ANKRD44: variants seen among roughly 807,000 people sequenced by gnomAD.
ANKRD44 encodes ankyrin repeat domain 44.
Under a neutral mutation model 116.0 loss-of-function variants are expected in ANKRD44, and 35 were observed. That is an observed-to-expected ratio of 0.30 (90% CI 0.23 to 0.40). The LOEUF (loss-of-function observed/expected upper bound fraction) is 0.40. Among genes scored for constraint, ANKRD44 ranks in the 10% least tolerant of loss-of-function variants. The probability of loss-of-function intolerance (pLI) is 1.00; values close to 1 mark genes in which losing one functional copy is unlikely to be tolerated. For synonymous variants in ANKRD44, 435 were observed against 461.8 expected (o/e 0.94, Z 0.74); for missense variants, 1,014 against 1,242.6 (o/e 0.82, Z 2.77).
chr2:197,212,285 G>A lies in ANKRD44; in HGVS notation c.28-25179C>T, dbSNP rs1559154074. ...TCTGGCCTCTGAAACTGGCTTTTAT[G>A]AGCCAGTAAGTGTGTGAGCTTAGAT... On this transcript the variant is annotated intron_variant, in intron 1 of 27. Transcript: ENST00000282272. This position sits in a 1 kb window ranked among gnomAD's most constrained non-coding sequence, Gnocchi z 4.8. Among the ~76,000 whole-genome samples the A allele has an allele frequency of 6.6e-6, 1 of 152,148 alleles. No individual in the cohort carries two copies. Among genetic ancestry groups the A allele is most frequent in the African/African-American group, 2.4e-5 (1 of 41,430 alleles).
intron 1 of ANKRD44, among the ~76,000 whole-genome samples, chr2:197,281,515 A>C (rs900943833): frequency 1.3e-5 from 2 of 152,186 alleles, no homozygotes; most frequent in Non-Finnish European, 2.9e-5. Context: ...TGTATAAGGC[A>C]TAAGTCCCTG....
chr2:197,180,803 C>A (rs1166235968), intron 2 of ANKRD44, among the ~76,000 whole-genome samples: 2 of 151,918 alleles, frequency 1.3e-5, no homozygotes, highest in Non-Finnish European at 2.9e-5. Context: ...TTGAGTGGAG[C>A]CATATTGAGT....
intron 17 of ANKRD44, among the ~76,000 whole-genome samples, chr2:197,016,574 T>G (rs1180245637): frequency 6.6e-6 from 1 of 152,218 alleles, no homozygotes; most frequent in African/African-American, 2.4e-5. Flanking sequence ...AGGGAATCTA[T>G]TCTCCCCATT....
At chr2:197,236,746 G>A (rs917411712) in intron 1 of ANKRD44, among the ~76,000 whole-genome samples, 5 of 151,716 alleles carry the variant, frequency 3.3e-5, no homozygotes, top group Admixed American at 6.6e-5. Flanking sequence ...AGAAAGGAAG[G>A]AAGGATAGGA....
intron 9 of ANKRD44, among the ~76,000 whole-genome samples, chr2:197,102,846 G>A (rs1036162409): frequency 2.6e-5 from 4 of 152,134 alleles, no homozygotes; most frequent in African/African-American, 9.7e-5. Context: ...CTCTATTTGG[G>A]AGATTACTCA....
rs778992672 is a variant in ANKRD44, at chr2:196,998,910, C to T, written c.2662G>A (p.Val888Met). The T allele has an allele frequency of 1.5e-5, 24 of 1,613,836 alleles. No individual in the cohort carries two copies. In the South Asian group the frequency reaches 2.2e-4, roughly 15 times the overall value. The stretch of plus-strand genomic sequence containing the variant: ...AGTCCATACAACAAGCACATACCCA[C>T]AGCGCCTGCCTGCCCATTCTCAGCA... ...MAAENGQAGA[V>M]DILVNSAQAD... The change falls in exon 24 of 28, where the codon GTG (valine) becomes ATG (methionine). Residue 888 changes from valine (V) to methionine (M), a missense_variant. Transcript: ENST00000282272.
chr2:197,301,961 T>C (rs2083922648), intron 1 of ANKRD44, among the ~76,000 whole-genome samples: 1 of 152,138 alleles, frequency 6.6e-6, no homozygotes, highest in Admixed American at 6.5e-5. Flanking sequence ...TTTTAAATAG[T>C]GTGGTCAGAA....
intron 2 of ANKRD44, among the ~76,000 whole-genome samples, chr2:197,169,313 A>G: frequency 6.6e-6 from 1 of 152,242 alleles, no homozygotes; most frequent in Non-Finnish European, 1.5e-5. Flanking sequence ...TGTTAGTATC[A>G]TAGCACACTT....
At chr2:197,164,952 T>C (rs1214554171) in intron 2 of ANKRD44, among the ~76,000 whole-genome samples, 1 of 152,166 alleles carries the variant, frequency 6.6e-6, no homozygotes, top group Non-Finnish European at 1.5e-5. Flanking sequence ...CCATATAACC[T>C]TAGGCAAGTT....
intron 4 of ANKRD44, among the ~76,000 whole-genome samples, chr2:197,127,253 T>C (rs2078997129): frequency 6.6e-6 from 1 of 152,186 alleles, no homozygotes; most frequent in Non-Finnish European, 1.5e-5. Flanking sequence ...CATAAATAGA[T>C]TCAACAGTTA....
chr2:197,095,341 G>C (rs894682108), intron 10 of ANKRD44, among the ~76,000 whole-genome samples: 2 of 152,220 alleles, frequency 1.3e-5, no homozygotes, highest in African/African-American at 4.8e-5. Context: ...CAATGGACAA[G>C]TGATAAGGCT....
intron 2 of ANKRD44, among the ~76,000 whole-genome samples, chr2:197,164,618 G>A (rs929872860): frequency 1.3e-5 from 2 of 152,090 alleles, no homozygotes; most frequent in East Asian, 1.9e-4. Flanking sequence ...CGGGGTTCCC[G>A]CGCCCCAACC....
chr2:197,150,366 G>A (rs2079612699), intron 2 of ANKRD44, among the ~76,000 whole-genome samples: 1 of 152,086 alleles, frequency 6.6e-6, no homozygotes, highest in Admixed American at 6.5e-5. Flanking sequence ...GGCTAACACG[G>A]TGAAACCCCA....
chr2:197,004,508 A>C (rs1384930970), intron 21 of ANKRD44, among the ~76,000 whole-genome samples: 2 of 152,194 alleles, frequency 1.3e-5, no homozygotes, highest in African/African-American at 4.8e-5. Context: ...AATTTCTAGA[A>C]GAAGAAATAC....
chr2:197,026,532 A>G (rs1032640240), intron 16 of ANKRD44, among the ~76,000 whole-genome samples: 2 of 152,218 alleles, frequency 1.3e-5, no homozygotes, highest in African/African-American at 4.8e-5. Flanking sequence ...GCTTAATAAC[A>G]TCAGGAGGCT....
intron 1 of ANKRD44, among the ~76,000 whole-genome samples, chr2:197,245,834 A>C (rs2082179641): frequency 1.3e-5 from 2 of 152,366 alleles, no homozygotes; most frequent in Non-Finnish European, 2.9e-5. Flanking sequence ...TCTTTCAGAA[A>C]CATTCCAAAA....
At position 196,987,123 on chromosome 2, in the gene ANKRD44, C is replaced by T; in HGVS notation, c.*2468G>A. 2 of 984,544 alleles carry T rather than the reference C, an allele frequency of 2.0e-6. No individual in the cohort carries two copies. The highest frequency in any genetic ancestry group is 2.4e-6 in the Non-Finnish European group (2 of 829,138). The allele number at this position is 984,544 out of a possible 1,614,324, so 61.0% of individuals were successfully genotyped here. A position where few individuals can be genotyped will look rare whatever the true frequency, so the allele number is the denominator to read the frequency against. On this transcript the variant is annotated 3_prime_UTR_variant, in exon 28 of 28. Transcript: ENST00000282272. ...GAAACGCATAGAATTACATTTTATA[C>T]AAACACTCAGATTGTCACTATCTTA...
chr2:197,211,918 G>A (rs773470868), intron 1 of ANKRD44, among the ~76,000 whole-genome samples: 4 of 151,988 alleles, frequency 2.6e-5, no homozygotes, highest in Admixed American at 6.6e-5. Context: ...CAAGCACCTC[G>A]GGACTCCAAT....
intron 16 of ANKRD44, among the ~76,000 whole-genome samples, chr2:197,033,688 G>C (rs1460753657): frequency 6.8e-6 from 1 of 146,822 alleles, no homozygotes; most frequent in Non-Finnish European, 1.5e-5. Context: ...TTAAGTATTT[G>C]GGTCTGTTTA....
Sources: allele counts gnomAD v4.1 joint callset (sites outside exome capture counted in the v4.1 genomes callset), GRCh38; gene constraint gnomAD v4.1.1; non-coding constraint Gnocchi (gnomAD v3.1); transcripts MANE v1.5; gene names NCBI Gene and HGNC (gene_info 2026-07-23, HGNC 2026-07-21).